Variants in NRG4 observed in about 807,000 individuals in gnomAD.
NRG4 encodes pro-neuregulin-4, membrane-bound isoform.
NRG4 carries 10 observed loss-of-function variants against 15.0 expected under a neutral mutation model. That is an observed-to-expected ratio of 0.67 (90% CI 0.41 to 1.13). NRG4 has a LOEUF of 1.13. Among genes scored for constraint, NRG4 ranks in the 50% most tolerant of loss-of-function variants. The pLI is 0.00. For missense variants in NRG4, 139 were observed against 140.2 expected (o/e 0.99, Z 0.04); for synonymous variants, 41 against 50.1 (o/e 0.82, Z 0.77).
chr15:75,942,046 A>G lies in NRG4; in HGVS notation c.*1592T>C, dbSNP rs1239806153. On this transcript the variant is annotated 3_prime_UTR_variant, in exon 6 of 6. Transcript: ENST00000394907. ...AGACATAGAGGAACTTTAAGTGTATATTGCTAAGTGAAAGAAGTTAGTCTG... is the reference window on the plus strand; with the variant it reads ...AGACATAGAGGAACTTTAAGTGTATGTTGCTAAGTGAAAGAAGTTAGTCTG... The G allele has an allele frequency of 6.8e-6, 1 of 146,200 alleles. No homozygotes were observed. The highest frequency in any genetic ancestry group is 6.9e-5 in the Admixed American group (1 of 14,408). The allele number at this position is 146,200 out of a possible 1,614,324, so 9.1% of individuals were successfully genotyped here.
chr15:75,994,580 G>T (rs1430967331), intron 3 of NRG4, among the ~76,000 whole-genome samples: 1 of 152,160 alleles, frequency 6.6e-6, no homozygotes, highest in Non-Finnish European at 1.5e-5. Flanking sequence ...GTAAAAAGGA[G>T]GTATATGCGT....
At chr15:76,021,864 G>C (rs1029025983) in intron 5 of NRG4, among the ~76,000 whole-genome samples, 5 of 152,106 alleles carry the variant, frequency 3.3e-5, no homozygotes, top group Admixed American at 6.5e-5. Flanking sequence ...CAGTCTTTTT[G>C]GCACCAGGGA....
chr15:76,046,325 G>A (rs895677063), intron 4 of NRG4, among the ~76,000 whole-genome samples: 14 of 151,040 alleles, frequency 9.3e-5, no homozygotes, highest in Admixed American at 3.3e-4. Flanking sequence ...TGCGAACGGC[G>A]TTCTTTATAA....
intron 3 of NRG4, among the ~76,000 whole-genome samples, chr15:75,966,347 G>A (rs1443312758): frequency 2.0e-5 from 3 of 152,144 alleles, no homozygotes; most frequent in Non-Finnish European, 2.9e-5. Context: ...ATGCTTGTTG[G>A]CTATGTGATC....
chr15:75,979,483 C>T (rs1240213414), intron 3 of NRG4, among the ~76,000 whole-genome samples: 2 of 151,976 alleles, frequency 1.3e-5, no homozygotes, highest in South Asian at 2.1e-4. Context: ...TCTTGGTGCC[C>T]CCTTTAATTA....
chr15:75,945,522 C>T (rs2031448433), intron 5 of NRG4, among the ~76,000 whole-genome samples: 1 of 152,238 alleles, frequency 6.6e-6, no homozygotes, highest in South Asian at 2.1e-4. Context: ...CCATCAAGCA[C>T]TTTAAAAATT....
chr15:75,990,239 C>T (rs1405109444), intron 3 of NRG4, among the ~76,000 whole-genome samples: 1 of 152,160 alleles, frequency 6.6e-6, no homozygotes, highest in African/African-American at 2.4e-5. Context: ...GGAACTCTTT[C>T]TCTTACACAG....
rs2031238252 is a variant in NRG4 at position 75,943,747 on chromosome 15, A to G, written c.332-93T>C. On this transcript the variant is annotated intron_variant, in intron 5 of 5. Transcript: ENST00000394907. ...TACATGTCTCTTATCTTCTTCACAT[A>G]TATAAGCCAACCCCTTCTGTTTGTG... 7.4e-6 allele frequency: 6 copies of G among 808,236 alleles called. No individual in the cohort carries two copies. The South Asian group carries it at 9.4e-5, about 13-fold the overall frequency. The allele number at this position is 808,236 out of a possible 1,614,324, so 50.1% of individuals were successfully genotyped here. A position where few individuals can be genotyped will look rare whatever the true frequency, so the allele number is the denominator to read the frequency against.
At chr15:75,964,265 TA>T (rs2032680579) in intron 3 of NRG4, among the ~76,000 whole-genome samples, 1 of 151,972 alleles carries the variant, frequency 6.6e-6, no homozygotes, top group African/African-American at 2.4e-5. Context: ...TTCCACAGAG[TA>T]AAAGAAACTG....
intron 4 of NRG4, among the ~76,000 whole-genome samples, chr15:76,043,370 C>A (rs1248406486): frequency 1.3e-5 from 2 of 152,140 alleles, no homozygotes; most frequent in African/African-American, 2.4e-5. Flanking sequence ...TCATTGTTTG[C>A]AGATTATTAT....
intron 3 of NRG4, among the ~76,000 whole-genome samples, chr15:75,972,733 T>A (rs1226215484): frequency 1.3e-5 from 2 of 152,168 alleles, no homozygotes; most frequent in African/African-American, 4.8e-5. Context: ...GGTCTATATA[T>A]CTGTTTTGGT....
At chr15:76,009,571 T>C (rs997175496) in intron 2 of NRG4, among the ~76,000 whole-genome samples, 1 of 152,110 alleles carries the variant, frequency 6.6e-6, no homozygotes. Context: ...TTAGTTAGAT[T>C]AAAAGGAGGT....
rs1421166358 is a variant in NRG4, at chr15:75,961,896, C to T, written c.183G>A (p.Leu61=). The T allele has an allele frequency of 3.7e-6, 6 of 1,613,576 alleles. No individual in the cohort carries two copies. The African/African-American group carries it at 6.7e-5, about 18-fold the overall frequency. Residue 61 remains leucine, a synonymous_variant, in exon 4 of 6, where the codon CTG becomes CTA. Transcript: ENST00000394907. ...PGSSIQTKSN[L]FEAFVALAVL... is the part of the protein sequence containing the mutation. ...CCGCCAATGCCACAAAAGCTTCAAA[C>T]AGGTTACTTTTAGTTTGGATGCTGG...
intron 5 of NRG4, among the ~76,000 whole-genome samples, chr15:75,951,683 T>C (rs1246927131): frequency 6.6e-6 from 1 of 152,200 alleles, no homozygotes; most frequent in Non-Finnish European, 1.5e-5. Flanking sequence ...GACGTACTGC[T>C]TGACATTCAG....
intron 5 of NRG4, among the ~76,000 whole-genome samples, chr15:75,955,153 C>G (rs895160131): frequency 6.6e-6 from 1 of 152,150 alleles, no homozygotes; most frequent in Non-Finnish European, 1.5e-5. Context: ...CAGCTGAATA[C>G]TTGAACTGAA....
chr15:76,007,132 G>A (rs1236230715), intron 3 of NRG4, among the ~76,000 whole-genome samples: 2 of 150,994 alleles, frequency 1.3e-5, no homozygotes, highest in African/African-American at 5.0e-5. Context: ...ATTAAATACT[G>A]CCTATTAGAA....
At chr15:75,989,464 C>T (rs2033925580) in intron 3 of NRG4, among the ~76,000 whole-genome samples, 1 of 151,978 alleles carries the variant, frequency 6.6e-6, no homozygotes, top group African/African-American at 2.4e-5. Context: ...TTCTGAGATA[C>T]CTTAACACAT....
chr15:75,953,309 A>G (rs1368099372), intron 5 of NRG4, among the ~76,000 whole-genome samples: 1 of 152,162 alleles, frequency 6.6e-6, no homozygotes, highest in Non-Finnish European at 1.5e-5. Flanking sequence ...GGCACCCTTT[A>G]AAAAATGCAT....
chr15:75,946,550 G>T (rs1270068236), intron 5 of NRG4, among the ~76,000 whole-genome samples: 1 of 152,016 alleles, frequency 6.6e-6, no homozygotes, highest in Non-Finnish European at 1.5e-5. Flanking sequence ...TAGTAGAGAC[G>T]GGGTTTCATC....
Sources: gnomAD v4.1 joint callset for allele counts (sites outside exome capture counted in the v4.1 genomes callset) on GRCh38, gnomAD v4.1.1 for gene constraint, MANE v1.5 for transcripts, NCBI Gene and HGNC (gene_info 2026-07-23, HGNC 2026-07-21) for gene names.